The following MAP4 variants were observed in gnomAD, a reference collection of about 807,000 sequenced individuals.
MAP4 encodes the protein microtubule associated protein 4.
A neutral mutation model predicts 170.2 loss-of-function variants in MAP4; 76 were observed. The observed-to-expected ratio is 0.45, with a 90% CI of 0.37 to 0.54. The LOEUF is 0.54. MAP4 is among the 20% of genes least tolerant of loss of function. The probability of loss-of-function intolerance (pLI) is 0.00; values close to 1 mark genes in which losing one functional copy is unlikely to be tolerated. For synonymous variants in MAP4, 909 were observed against 994.5 expected (o/e 0.91, Z 1.62); for missense variants, 2,506 against 2,748.0 (o/e 0.91, Z 1.97).
intron 1 of MAP4, among the ~76,000 whole-genome samples, chr3:48,055,203 T>TCCCCGTCCCCGTCC (rs1477090094): frequency 1.8e-5 from 2 of 111,410 alleles, no homozygotes; most frequent in African/African-American, 1.4e-4. Context: ...CCTCTCCGTC[T>TCCCCGTCCCCGTCC]CCGTCTCCGT....
At chr3:47,864,767 T>C (rs1451591835) in intron 17 of MAP4, among the ~76,000 whole-genome samples, 1 of 152,164 alleles carries the variant, frequency 6.6e-6, no homozygotes, top group African/African-American at 2.4e-5. Context: ...CTCGGGAAGC[T>C]GACGAAGGAG....
intron 13 of MAP4, 104 bp downstream of exon 13, chr3:47,871,813 G>GC: frequency 8.8e-7 from 1 of 1,134,742 alleles, no homozygotes; most frequent in South Asian, 1.5e-5. Flanking sequence ...GCGTAAGCAG[G>GC]CCTGCACAGC....
chr3:47,857,650 C>T, intron 17 of MAP4, 138 bp from the exon 18 acceptor site: 1 of 649,690 alleles, frequency 1.5e-6, no homozygotes, highest in Non-Finnish European at 2.7e-6. Context: ...TGGTCAAAGA[C>T]AAGGTCATCT....
chr3:47,984,063 G>A (rs2100087078), intron 2 of MAP4, among the ~76,000 whole-genome samples: 1 of 151,960 alleles, frequency 6.6e-6, no homozygotes, highest in South Asian at 2.1e-4. Context: ...TATGCATAAT[G>A]GAAGTCTCAT....
intron 1 of MAP4, among the ~76,000 whole-genome samples, chr3:48,070,793 G>T (rs576657000): frequency 6.6e-6 from 1 of 151,306 alleles, no homozygotes; most frequent in East Asian, 2.0e-4. Flanking sequence ...TTGAGGCCAG[G>T]AGTTAAGAGA....
At chr3:47,933,498 T>A (rs955554081) in intron 3 of MAP4, among the ~76,000 whole-genome samples, 34 of 151,982 alleles carry the variant, frequency 2.2e-4, no homozygotes, top group Non-Finnish European at 3.4e-4. Flanking sequence ...AGTGCGGTAG[T>A]ACGATCATAG....
At chr3:48,080,548 G>A (rs2100146108) in intron 1 of MAP4, among the ~76,000 whole-genome samples, 1 of 152,180 alleles carries the variant, frequency 6.6e-6, no homozygotes. Flanking sequence ...AGCACTGGGA[G>A]TGAGAATAGG....
chr3:48,073,881 T>C (rs913750323), intron 1 of MAP4, among the ~76,000 whole-genome samples: 4 of 152,178 alleles, frequency 2.6e-5, no homozygotes, highest in Non-Finnish European at 5.9e-5. Context: ...AGTTCAACCA[T>C]TGTGGACTAC....
Position 47,852,376 on chromosome 3 carries a change from GGGA to G in MAP4, c.*555_*557del. The G allele has an allele frequency of 5.4e-6, 1 of 185,292 alleles. No individual in the cohort carries two copies. The highest frequency in any genetic ancestry group is 2.3e-5 in the African/African-American group (1 of 42,666). The allele number at this position is 185,292 out of a possible 1,614,324, so 11.5% of individuals were successfully genotyped here. A position where few individuals can be genotyped will look rare whatever the true frequency, so the allele number is the denominator to read the frequency against. ...AGAAGGGCCCGACACCACCTGCATG[GGGA>G]GGGGGGGGCGCCCATTTGTGGGACC... On this transcript the variant is annotated 3_prime_UTR_variant, in exon 21 of 21. Coordinates refer to ENST00000683076, the MANE Select transcript of MAP4 (RefSeq NM_001385682.1).
At chr3:48,001,070 G>A (rs539927610) in intron 1 of MAP4, among the ~76,000 whole-genome samples, 33 of 152,226 alleles carry the variant, frequency 2.2e-4, no homozygotes, top group Non-Finnish European at 4.1e-4. Context: ...CAAGCAAAGG[G>A]TGTTGCTATA....
At chr3:48,045,506 C>T (rs890327497) in intron 1 of MAP4, among the ~76,000 whole-genome samples, 3 of 152,008 alleles carry the variant, frequency 2.0e-5, no homozygotes, top group African/African-American at 7.3e-5. Context: ...AATCCAATGC[C>T]TGATGATCTT....
intron 2 of MAP4, among the ~76,000 whole-genome samples, chr3:47,997,209 A>C (rs1318737870): frequency 6.6e-6 from 1 of 151,706 alleles, no homozygotes; most frequent in Non-Finnish European, 1.5e-5. Context: ...TTTAAAAGAT[A>C]ATGGCCAAAA....
chr3:47,882,026 T>C (rs2096851486), intron 10 of MAP4, among the ~76,000 whole-genome samples: 1 of 152,128 alleles, frequency 6.6e-6, no homozygotes, highest in Admixed American at 6.5e-5. Context: ...CTGTAATCCA[T>C]TCAGCACTTT....
At chr3:47,870,765 G>T (rs756678311) in intron 15 of MAP4, 48 bp downstream of exon 15, 2 of 1,495,912 alleles carry the variant, frequency 1.3e-6, no homozygotes, top group East Asian at 4.6e-5. Context: ...AAATGGAGGG[G>T]AAGATGCAGG....
chr3:48,065,645 T>C lies in MAP4; in HGVS notation c.-20+23128A>G, dbSNP rs142829893. On this transcript the variant is annotated intron_variant, in intron 1 of 18. Transcript: ENST00000360240. ...AGAATAAAAAATTCCTGAGAAATCATAGCCACGAGGAATCCCTGTATGCAC... is the reference window on the plus strand; with the variant it reads ...AGAATAAAAAATTCCTGAGAAATCACAGCCACGAGGAATCCCTGTATGCAC... Among the ~76,000 whole-genome samples, 114 of 152,336 alleles carry C rather than the reference T, an allele frequency of 7.5e-4. 1 individual carries two copies. Among genetic ancestry groups the C allele is most frequent in the African/African-American group, 2.6e-3 (110 of 41,590 alleles).
chr3:47,894,102 C>T (rs1008466614), intron 10 of MAP4, among the ~76,000 whole-genome samples: 2 of 152,042 alleles, frequency 1.3e-5, no homozygotes, highest in African/African-American at 4.8e-5. Context: ...TGAACTGAGC[C>T]TCATATACAT....
intron 1 of MAP4, among the ~76,000 whole-genome samples, chr3:48,036,392 A>G (rs1189710459): frequency 6.6e-6 from 1 of 152,202 alleles, no homozygotes; most frequent in Non-Finnish European, 1.5e-5. Flanking sequence ...AACACGTGAA[A>G]CTGCCACACA....
At chr3:47,943,026 A>T (rs1184964024) in intron 3 of MAP4, among the ~76,000 whole-genome samples, 1 of 152,078 alleles carries the variant, frequency 6.6e-6, no homozygotes, top group Non-Finnish European at 1.5e-5. Flanking sequence ...AGGTGGGAGG[A>T]TTGCTTGAGC....
intron 1 of MAP4, among the ~76,000 whole-genome samples, chr3:48,061,827 C>T (rs796297280): frequency 2.3e-5 from 3 of 128,792 alleles, no homozygotes; most frequent in South Asian, 2.5e-4. Flanking sequence ...CCGCCCCATC[C>T]GGGAGGGAGG....
Sources: allele counts gnomAD v4.1 joint callset (sites outside exome capture counted in the v4.1 genomes callset), GRCh38; gene constraint gnomAD v4.1.1; transcripts MANE v1.5; gene names NCBI Gene and HGNC (gene_info 2026-07-23, HGNC 2026-07-21).